GOLM2: variants seen among roughly 807,000 people sequenced by gnomAD.
GOLM2 encodes the protein protein GOLM2.
A neutral mutation model predicts 55.9 loss-of-function variants in GOLM2; 26 were observed. The ratio of observed to expected loss-of-function variants is 0.47; its 90% CI spans 0.34 to 0.65. GOLM2 has a LOEUF of 0.65. Ranked by LOEUF, GOLM2 falls within the 30% of genes least tolerant of loss-of-function variation. The pLI is 0.01. For synonymous variants in GOLM2, 165 were observed against 194.6 expected (o/e 0.85, Z 1.27); for missense variants, 486 against 531.8 (o/e 0.91, Z 0.85).
At chr15:44,364,921 T>C (rs1307519127) in intron 6 of GOLM2, among the ~76,000 whole-genome samples, 2 of 152,142 alleles carry the variant, frequency 1.3e-5, no homozygotes, top group Admixed American at 1.3e-4. Flanking sequence ...CAAAAGCAAT[T>C]TTTATGTGTT....
At chr15:44,358,786 G>A (rs1334442265) in intron 6 of GOLM2, among the ~76,000 whole-genome samples, 2 of 152,182 alleles carry the variant, frequency 1.3e-5, no homozygotes, top group African/African-American at 4.8e-5. Flanking sequence ...CCTTGGGTAT[G>A]GCAATGACTT....
Position 44,415,013 on chromosome 15 carries a change from A to T in GOLM2, c.*1607A>T, listed in dbSNP as rs1283877163. 6.6e-6 allele frequency: 1 copy of T among 152,664 alleles called. No homozygotes were observed. The highest frequency in any genetic ancestry group is 1.9e-4 in the East Asian group (1 of 5,202). 9.5% of individuals were successfully genotyped at this position (152,664 alleles called of 1,614,324 possible). On this transcript the variant is annotated 3_prime_UTR_variant, in exon 10 of 10. Transcript: ENST00000299957. Reference sequence around the variant, plus strand: ...TTTCAGAAGGGCTACTGTTAATTGCACATAAACATGAAATGTGTTTTCCCC... The same window carrying T: ...TTTCAGAAGGGCTACTGTTAATTGCTCATAAACATGAAATGTGTTTTCCCC...
At chr15:44,294,054 G>A (rs2078739173) in intron 1 of GOLM2, among the ~76,000 whole-genome samples, 1 of 152,128 alleles carries the variant, frequency 6.6e-6, no homozygotes, top group Admixed American at 6.6e-5. Context: ...GGCTCTGGCT[G>A]TTGGAGAGCT....
chr15:44,398,657 CTTTTTTT>C (rs994381104), intron 8 of GOLM2, among the ~76,000 whole-genome samples: 6 of 108,076 alleles, frequency 5.6e-5, no homozygotes, highest in Non-Finnish European at 7.5e-5. Context: ...ATATAGGAGC[CTTTTTTT>C]TTTTTTTTTT....
intron 1 of GOLM2, among the ~76,000 whole-genome samples, chr15:44,304,387 G>A (rs751798904): frequency 6.9e-6 from 1 of 145,486 alleles, no homozygotes; most frequent in Non-Finnish European, 1.5e-5. Context: ...GATTACAGGC[G>A]CCCACCACCA....
intron 6 of GOLM2, among the ~76,000 whole-genome samples, chr15:44,370,026 C>T (rs894401798): frequency 2.6e-5 from 4 of 152,050 alleles, no homozygotes; most frequent in African/African-American, 9.7e-5. Context: ...CAGGAAGCAT[C>T]CAGCACGAGA....
rs1375136575 is a variant in GOLM2 at position 44,369,204 on chromosome 15, ATATG to A, written c.803-10484_803-10481del. ...TAGATATGTGTGTGTATATATATAT[ATATG>A]TGTGTGTGTGTGTGTGTGTGTGTGT... On this transcript the variant is annotated intron_variant, in intron 6 of 9. Transcript: ENST00000299957. Among the ~76,000 whole-genome samples the A allele has an allele frequency of 2.5e-3, 329 of 131,826 alleles. 6 individuals are homozygous for A. The highest frequency in any genetic ancestry group is 8.9e-3 in the African/African-American group (300 of 33,584). The allele number at this position is 131,826 out of a possible 152,430, so 86.5% of individuals were successfully genotyped here.
chr15:44,383,122 T>C (rs2079416015), intron 8 of GOLM2, among the ~76,000 whole-genome samples: 1 of 151,018 alleles, frequency 6.6e-6, no homozygotes. Flanking sequence ...GTATATATTA[T>C]ATACATATAC....
At chr15:44,379,616 T>C (rs896687317) in intron 6 of GOLM2, 74 bp from the exon 7 acceptor site, 1 of 749,738 alleles carries the variant, frequency 1.3e-6, no homozygotes, top group Non-Finnish European at 2.2e-6. Context: ...TGATTCACGG[T>C]GGTTTTTTTT....
At chr15:44,390,565 ATT>A (rs201684087) in intron 8 of GOLM2, 1,489 of 142,518 alleles carry the variant, frequency 0.01, 23 homozygotes, top group African/African-American at 0.036. Flanking sequence ...TACATATAGA[ATT>A]TTTTTTTTTT....
intron 8 of GOLM2, among the ~76,000 whole-genome samples, chr15:44,394,681 G>A (rs1567042948): frequency 6.6e-6 from 1 of 152,120 alleles, no homozygotes; most frequent in African/African-American, 2.4e-5. Flanking sequence ...TAACATTTTT[G>A]TTACAGTTTG....
rs1368545374 is a variant in GOLM2 at position 44,373,147 on chromosome 15, AT to A, written c.803-6542del. Among the ~76,000 whole-genome samples, 11 of 152,336 alleles carry A rather than the reference AT, an allele frequency of 7.2e-5. No homozygotes were observed. The East Asian group carries it at 2.1e-3, about 29-fold the overall frequency. On this transcript the variant is annotated intron_variant, in intron 6 of 9. Transcript: ENST00000299957. ...CTTGGTCTATTTTGTTCACTGCTGA[AT>A]CTCCAGCTGTTTAAAACAGTTCTGG... is the stretch of plus-strand genomic sequence containing the variant.
At chr15:44,372,863 C>A (rs532033720) in intron 6 of GOLM2, among the ~76,000 whole-genome samples, 1 of 152,132 alleles carries the variant, frequency 6.6e-6, no homozygotes, top group African/African-American at 2.4e-5. Flanking sequence ...GCGCATGCTC[C>A]TGTCTCAAGG....
At chr15:44,363,246 G>A (rs1051341594) in intron 6 of GOLM2, among the ~76,000 whole-genome samples, 1 of 152,138 alleles carries the variant, frequency 6.6e-6, no homozygotes, top group African/African-American at 2.4e-5. Context: ...TACCATCAGA[G>A]TGAACAGGCA....
At chr15:44,401,377 A>G (rs1464885981) in intron 8 of GOLM2, among the ~76,000 whole-genome samples, 1 of 151,700 alleles carries the variant, frequency 6.6e-6, no homozygotes, top group East Asian at 1.9e-4. Context: ...CAATCCTTCT[A>G]CCTCAGCCTC....
chr15:44,414,093 C>T lies in GOLM2; in HGVS notation c.*687C>T, dbSNP rs1294779163. 2.6e-5 allele frequency: 4 copies of T among 152,380 alleles called. No homozygotes were observed. The highest frequency in any genetic ancestry group is 5.9e-5 in the Non-Finnish European group (4 of 68,182). 9.4% of individuals were successfully genotyped at this position (152,380 alleles called of 1,614,324 possible). On this transcript the variant is annotated 3_prime_UTR_variant, in exon 10 of 10. Coordinates refer to ENST00000299957, the MANE Select transcript of GOLM2 (RefSeq NM_138423.4). ...TCAGGTGATCCTCCTGCATTGGCCT[C>T]CCAAAGTGCTGGAATTCCAGGCATG...
intron 9 of GOLM2, among the ~76,000 whole-genome samples, chr15:44,405,673 T>A (rs1595670031): frequency 6.6e-6 from 1 of 151,990 alleles, no homozygotes; most frequent in Non-Finnish European, 1.5e-5. Context: ...CAGGCTAGAG[T>A]GCAGTGGTGC....
At chr15:44,325,741 T>C (rs1321014286) in intron 2 of GOLM2, among the ~76,000 whole-genome samples, 2 of 152,226 alleles carry the variant, frequency 1.3e-5, no homozygotes, top group Non-Finnish European at 2.9e-5. Flanking sequence ...CAAGGCTTTT[T>C]GCTACTGCTT....
At chr15:44,367,411 A>G (rs1202945470) in intron 6 of GOLM2, among the ~76,000 whole-genome samples, 4 of 152,180 alleles carry the variant, frequency 2.6e-5, no homozygotes, top group African/African-American at 9.7e-5. Flanking sequence ...ATCTGAAAGT[A>G]TCTTTATTTT....
Sources: gnomAD v4.1 joint callset for allele counts (sites outside exome capture counted in the v4.1 genomes callset) on GRCh38, gnomAD v4.1.1 for gene constraint, MANE v1.5 for transcripts, NCBI Gene and HGNC (gene_info 2026-07-23, HGNC 2026-07-21) for gene names.